Variants in RABGEF1 observed in about 807,000 individuals in gnomAD.
The protein encoded by RABGEF1 is RAB guanine nucleotide exchange factor 1.
Under a neutral mutation model 57.3 loss-of-function variants are expected in RABGEF1, and 26 were observed. The ratio of observed to expected loss-of-function variants is 0.45; its 90% confidence interval spans 0.33 to 0.63. The LOEUF (loss-of-function observed/expected upper bound fraction) is 0.63, where lower values mean the gene tolerates loss of function less well. Among genes scored for constraint, RABGEF1 ranks in the 20% least tolerant of loss-of-function variants. RABGEF1 has a pLI of 0.02. For synonymous variants in RABGEF1, 185 were observed against 210.7 expected, an observed-to-expected ratio of 0.88 and a Z score of 1.06; for missense variants, 464 against 607.6, an observed-to-expected ratio of 0.76 and a Z score of 2.48.
chr7:66,753,701 G>GTTTTTTTTT lies in RABGEF1; in HGVS notation c.-18+12924_-18+12932dup, dbSNP rs1224800315. Among the ~76,000 whole-genome samples, 25 of 78,772 alleles carry GTTTTTTTTT rather than the reference G, an allele frequency of 3.2e-4. 3 individuals are homozygous for GTTTTTTTTT. The highest frequency in any genetic ancestry group is 2.0e-3 in the East Asian group (4 of 2,016). 51.7% of individuals were successfully genotyped at this position (78,772 alleles called of 152,430 possible). A position where few individuals can be genotyped will look rare whatever the true frequency, so the allele number is the denominator to read the frequency against. ...ATCTGAAAATGTCTATTTTGCCATC[G>GTTTTTTTTT]TTTTTTTTTTTTTTTTTTTTTTTGA... On this transcript the variant is annotated intron_variant, in intron 1 of 8. Coordinates refer to ENST00000284957, the MANE Select transcript of RABGEF1 (RefSeq NM_014504.3).
intron 5 of RABGEF1, among the ~76,000 whole-genome samples, chr7:66,795,843 C>T (rs953577642): frequency 1.3e-5 from 2 of 152,222 alleles, no homozygotes; most frequent in African/African-American, 2.4e-5. Flanking sequence ...CTGGAGCTGA[C>T]GAAAACATCT....
chr7:66,699,556 G>A (rs1372454870), intron 1 of RABGEF1, among the ~76,000 whole-genome samples: 8 of 152,144 alleles, frequency 5.3e-5, no homozygotes, highest in African/African-American at 9.7e-5. Context: ...GCCGAGCGTC[G>A]TGGCAGGCAC....
At chr7:66,660,683 T>C in the RABGEF1 span, among the ~76,000 whole-genome samples, 1 of 152,242 alleles carries the variant, frequency 6.6e-6, no homozygotes. Context: ...ATTAAATTAC[T>C]AATTAAAATC....
chr7:66,744,461 G>T (rs1014705925), intron 1 of RABGEF1, among the ~76,000 whole-genome samples: 2 of 151,882 alleles, frequency 1.3e-5, no homozygotes, highest in African/African-American at 4.8e-5. Flanking sequence ...GAGGTCAGGA[G>T]ATCAAGACCA....
chr7:66,697,465 G>C (rs1170992810), intron 1 of RABGEF1, among the ~76,000 whole-genome samples: 1 of 152,160 alleles, frequency 6.6e-6, no homozygotes, highest in Non-Finnish European at 1.5e-5. Flanking sequence ...CAGTGGCTCT[G>C]TCTGCCCATC....
intron 4 of RABGEF1, 148 bp downstream of exon 4, chr7:66,783,989 C>G: frequency 1.3e-6 from 1 of 750,810 alleles, no homozygotes; most frequent in Non-Finnish European, 2.0e-6. Context: ...GCCTCTGAAT[C>G]AAGCTAAAAC....
At chr7:66,665,218 A>T in the RABGEF1 span, 1 of 151,798 alleles carries the variant, frequency 6.6e-6, no homozygotes, top group South Asian at 2.1e-4. Context: ...AATCTCGGCT[A>T]ACTGCAACCT....
At chr7:66,669,190 TC>T in the RABGEF1 span, 1 of 152,610 alleles carries the variant, frequency 6.6e-6, no homozygotes, top group South Asian at 2.1e-4. Flanking sequence ...CTGCCCTGGG[TC>T]CTGGAGCCTG....
At chr7:66,689,402 G>T (rs973576088) in intron 1 of RABGEF1, among the ~76,000 whole-genome samples, 1 of 151,816 alleles carries the variant, frequency 6.6e-6, no homozygotes, top group Non-Finnish European at 1.5e-5. Context: ...GTGATTATAA[G>T]AGAATACTAT....
chr7:66,743,954 C>G (rs916362078), intron 1 of RABGEF1, among the ~76,000 whole-genome samples: 1 of 152,056 alleles, frequency 6.6e-6, no homozygotes, highest in African/African-American at 2.4e-5. Context: ...TTATGTAACT[C>G]TTACACACAG....
At chr7:66,706,957 T>G (rs570522214) in intron 1 of RABGEF1, among the ~76,000 whole-genome samples, 9 of 150,504 alleles carry the variant, frequency 6.0e-5, no homozygotes, top group Non-Finnish European at 1.2e-4. Context: ...AATTTTTTTT[T>G]GGTATTTTTA....
At chr7:66,682,272 G>C (rs1326502699) in intron 1 of RABGEF1, 1 of 162,522 alleles carries the variant, frequency 6.2e-6, no homozygotes, top group East Asian at 1.9e-4. Context: ...CGGAGTGGAC[G>C]GACTGGGGCT....
chr7:66,809,391 C>T lies in RABGEF1; in HGVS notation c.*107C>T, dbSNP rs147038500. On this transcript the variant is annotated 3_prime_UTR_variant, in exon 9 of 9. Coordinates refer to ENST00000284957, the MANE Select transcript of RABGEF1 (RefSeq NM_014504.3). ...TAACTAAATTGCTTATAAATGTCAG[C>T]ATTTTTTAAAGGTACAGTATATGGG... is the stretch of plus-strand genomic sequence containing the variant. 5.8e-6 allele frequency: 4 copies of T among 692,994 alleles called. No individual in the cohort carries two copies. The highest frequency in any genetic ancestry group is 8.6e-6 in the Non-Finnish European group (4 of 463,936). 42.9% of individuals were successfully genotyped at this position (692,994 alleles called of 1,614,324 possible).
intron 6 of RABGEF1, 100 bp from the exon 7 acceptor site, chr7:66,799,223 G>T: frequency 1.2e-6 from 1 of 859,898 alleles, no homozygotes; most frequent in Non-Finnish European, 1.9e-6. Flanking sequence ...GGATTGAGTG[G>T]TCAGTGATGC....
intron 2 of RABGEF1, among the ~76,000 whole-genome samples, chr7:66,716,522 A>G (rs919684183): frequency 1.3e-5 from 2 of 152,000 alleles, no homozygotes; most frequent in African/African-American, 4.8e-5. Flanking sequence ...GATCGCTTGA[A>G]CCTGGGAGGC....
intron 1 of RABGEF1, among the ~76,000 whole-genome samples, chr7:66,685,009 C>G (rs1474971782): frequency 6.6e-6 from 1 of 152,086 alleles, no homozygotes; most frequent in Non-Finnish European, 1.5e-5. Context: ...AAGTGATTCT[C>G]TAGCCTTGGA....
At chr7:66,773,410 C>T (rs777495586) in intron 2 of RABGEF1, among the ~76,000 whole-genome samples, 1 of 152,184 alleles carries the variant, frequency 6.6e-6, no homozygotes, top group Admixed American at 6.5e-5. Context: ...CCCGATTCCA[C>T]CCTCAGACTT....
intron 1 of RABGEF1, among the ~76,000 whole-genome samples, chr7:66,757,943 T>A (rs1285831959): frequency 1.3e-5 from 2 of 152,166 alleles, no homozygotes; most frequent in Non-Finnish European, 2.9e-5. Flanking sequence ...TGTCTGTATA[T>A]ATCAGGTTTT....
chr7:66,723,813 C>T (rs1796311165), intron 2 of RABGEF1, among the ~76,000 whole-genome samples: 1 of 138,426 alleles, frequency 7.2e-6, no homozygotes, highest in Admixed American at 7.4e-5. Flanking sequence ...CTCCTGACCT[C>T]AGGTGATCTG....
Sources: gnomAD v4.1 joint callset for allele counts (sites outside exome capture counted in the v4.1 genomes callset) on GRCh38, gnomAD v4.1.1 for gene constraint, MANE v1.5 for transcripts, NCBI Gene and HGNC (gene_info 2026-07-23, HGNC 2026-07-21) for gene names.